Variants in FZR1 observed in about 807,000 individuals in gnomAD.
FZR1 encodes the protein fizzy and cell division cycle 20 related 1, also known as fizzy-related protein homolog.
Under a neutral mutation model 63.6 loss-of-function variants are expected in FZR1, and 11 were observed. That is an observed-to-expected ratio of 0.17 (90% CI 0.11 to 0.29). FZR1 has a LOEUF of 0.29. Among genes scored for constraint, FZR1 ranks in the 10% least tolerant of loss-of-function variants. The pLI, the probability that FZR1 is intolerant of heterozygous loss-of-function variation, is 1.00. For missense variants in FZR1, 440 were observed against 687.5 expected, an observed-to-expected ratio of 0.64 and a Z score of 4.03; for synonymous variants, 328 against 297.9, an observed-to-expected ratio of 1.10 and a Z score of -1.04.
Position 3,533,071 on chromosome 19 carries a change from T to G in FZR1, c.1243-223T>G, listed in dbSNP as rs1455212860. Among the ~76,000 whole-genome samples the G allele has an allele frequency of 6.6e-6, 1 of 152,074 alleles. No individual in the cohort carries two copies. The highest frequency in any genetic ancestry group is 2.4e-5 in the African/African-American group (1 of 41,412). On this transcript the variant is annotated intron_variant, in intron 11 of 13. Coordinates refer to ENST00000441788, the MANE Select transcript of FZR1 (RefSeq NM_016263.4). This position sits in a 1 kb window ranked among gnomAD's most constrained non-coding sequence, Gnocchi z 4.9. ...CTGTGGGCCCCGTTTGGGTCCTTGT[T>G]GGGCTCCAGCCTTTGGCGGTGGGTG...
In FZR1 at chr19:3,534,913, C is replaced by T; in HGVS notation, c.*77C>T. ...AGCTCCTCAGCTTGCATGGACTCTG[C>T]CTTCCCAGCGCTTGTCCCCCGAGGA... On this transcript the variant is annotated 3_prime_UTR_variant, in exon 14 of 14. Transcript: ENST00000441788. 1 of 1,191,886 alleles carries T rather than the reference C, an allele frequency of 8.4e-7. No individual in the cohort carries two copies. 73.8% of individuals were successfully genotyped at this position (1,191,886 alleles called of 1,614,324 possible). A position where few individuals can be genotyped will look rare whatever the true frequency, so the allele number is the denominator to read the frequency against.
intron 7 of FZR1, among the ~76,000 whole-genome samples, chr19:3,529,303 TGGATGGGAGAGC>T (rs1400490443): frequency 1.9e-5 from 2 of 105,882 alleles, no homozygotes; most frequent in Non-Finnish European, 3.8e-5. Context: ...GATGGTTGAG[TGGATGGGAGAGC>T]GGATGGGAGA....
intron 6 of FZR1, 113 bp from the exon 7 acceptor site, chr19:3,527,518 G>A: frequency 1.3e-6 from 1 of 772,514 alleles, no homozygotes; most frequent in Admixed American, 2.5e-5. Flanking sequence ...GGTGGTGATT[G>A]GAGGGGCCGG....
chr19:3,518,413 TGGA>T (rs1345503257), intron 1 of FZR1, among the ~76,000 whole-genome samples: 2 of 152,146 alleles, frequency 1.3e-5, no homozygotes, highest in African/African-American at 2.4e-5. Context: ...TTTCCATTGT[TGGA>T]GAAGGCCTAG....
chr19:3,530,794 G>T lies in FZR1; in HGVS notation c.657G>T (p.Val219=), dbSNP rs1391043000. 1.2e-6 allele frequency: 2 copies of T among 1,612,706 alleles called. No individual in the cohort carries two copies. Among genetic ancestry groups the T allele is most frequent in the Non-Finnish European group, 1.7e-6 (2 of 1,179,488 alleles). ...CTCACACTGACCTCTGCCTCCAGGT[G>T]ACGCGGCTCTGTGACCTCTCAGTGG... The part of the protein sequence containing the change: ...VYLWSACTSQ[V]TRLCDLSVEG... The change falls in exon 8 of 14, where the codon GTG becomes GTT. Residue 219 remains valine (V), a splice_region_variant and synonymous_variant. Transcript: ENST00000441788.
Position 3,525,767 on chromosome 19 carries a change from GC to G in FZR1, c.70-96del, listed in dbSNP as rs2083150317. The G allele has an allele frequency of 5.7e-6, 8 of 1,412,550 alleles. No homozygotes were observed. Among genetic ancestry groups the G allele is most frequent in the Non-Finnish European group, 6.7e-6 (7 of 1,040,982 alleles). The allele number at this position is 1,412,550 out of a possible 1,614,324, so 87.5% of individuals were successfully genotyped here. On this transcript the variant is annotated intron_variant, in intron 2 of 13. Transcript: ENST00000441788. The surrounding 1 kb of genome is among the most constrained non-coding windows in gnomAD (Gnocchi z 4.2). Reference sequence around the variant, plus strand: ...CACCCCTTGGGTTTTCAAGATCAAAGCCCCCTTTGCTCAGTGGCCAGAGGCT... The same window carrying G: ...CACCCCTTGGGTTTTCAAGATCAAAGCCCCTTTGCTCAGTGGCCAGAGGCT...
At chr19:3,524,523 G>A (rs1414388404) in intron 2 of FZR1, among the ~76,000 whole-genome samples, 4 of 152,228 alleles carry the variant, frequency 2.6e-5, no homozygotes, top group South Asian at 4.1e-4. Flanking sequence ...CCATGACTGC[G>A]TCACAGGCTG....
chr19:3,530,439 GGAGAGCGC>G (rs2083233903), intron 7 of FZR1, among the ~76,000 whole-genome samples: 1 of 130,354 alleles, frequency 7.7e-6, no homozygotes, highest in Non-Finnish European at 1.6e-5. Context: ...AGAGCGGATG[GGAGAGCGC>G]ATGGGAGAGC....
chr19:3,534,318 GC>G (rs1166308503), intron 12 of FZR1, 102 bp from the exon 13 acceptor site: 4 of 614,374 alleles, frequency 6.5e-6, no homozygotes, highest in Non-Finnish European at 8.7e-6. Context: ...AGTCTGGGGG[GC>G]CCAGCCACCC....
At chr19:3,524,317 A>G (rs1358761790) in intron 2 of FZR1, among the ~76,000 whole-genome samples, 1 of 152,216 alleles carries the variant, frequency 6.6e-6, no homozygotes, top group African/African-American at 2.4e-5. Context: ...AGTCTCCCGG[A>G]TGCAGCCAGG....
rs185085547 is a variant in FZR1 at position 3,535,192 on chromosome 19, C to T, written c.*356C>T. 5.4e-5 allele frequency: 19 copies of T among 349,276 alleles called. No individual in the cohort carries two copies. In the East Asian group the frequency reaches 5.8e-4, roughly 11 times the overall value. The allele number at this position is 349,276 out of a possible 1,614,324, so 21.6% of individuals were successfully genotyped here. The stretch of plus-strand genomic sequence containing the variant: ...CTGTTCATCACCTGCCCACCGGAGC[C>T]GCATGCTCTTCCTGGAACTGCCCAC... On this transcript the variant is annotated 3_prime_UTR_variant, in exon 14 of 14. Coordinates refer to ENST00000441788, the MANE Select transcript of FZR1 (RefSeq NM_016263.4).
In FZR1 at chr19:3,533,108, C is replaced by A. The variant is rs1250653070; in HGVS notation, c.1243-186C>A. 2.6e-5 allele frequency among the ~76,000 whole-genome samples: 4 copies of A among 152,078 alleles called. No individual in the cohort carries two copies. The highest frequency in any genetic ancestry group is 5.9e-5 in the Non-Finnish European group (4 of 67,998). On this transcript the variant is annotated intron_variant, in intron 11 of 13. Transcript: ENST00000441788. This position sits in a 1 kb window ranked among gnomAD's most constrained non-coding sequence, Gnocchi z 4.9. ...TTTGGCGGTGGGTGGAGGGGTCCACCTGTGGCCTCCACACCTCCTAGACAG... is the reference window on the plus strand; with the variant it reads ...TTTGGCGGTGGGTGGAGGGGTCCACATGTGGCCTCCACACCTCCTAGACAG...
At chr19:3,523,126 G>A (rs986670479) in intron 2 of FZR1, 68 bp downstream of exon 2, 1 of 963,446 alleles carries the variant, frequency 1.0e-6, no homozygotes, top group Non-Finnish European at 1.7e-6. Context: ...CTGGCCAGCA[G>A]CCTCAGGTGT....
In FZR1 at chr19:3,536,963, C is replaced by T. The variant is rs1197932426; in HGVS notation, c.*2127C>T. On this transcript the variant is annotated 3_prime_UTR_variant, in exon 14 of 14. Transcript: ENST00000441788. ...GGCGCCGGCCACAATCCTGCAGGGC[C>T]AAGGACTGGACTCCAGGCAAGTCCC... 6.7e-6 allele frequency: 1 copy of T among 150,256 alleles called. No homozygotes were observed. Among genetic ancestry groups the T allele is most frequent in the Non-Finnish European group, 1.5e-5 (1 of 67,854 alleles). 9.3% of individuals were successfully genotyped at this position (150,256 alleles called of 1,614,324 possible).
chr19:3,526,913 T>A lies in FZR1; in HGVS notation c.388-67T>A, dbSNP rs1303970545. On this transcript the variant is annotated intron_variant, in intron 5 of 13. Coordinates refer to ENST00000441788, the MANE Select transcript of FZR1 (RefSeq NM_016263.4). This position sits in a 1 kb window ranked among gnomAD's most constrained non-coding sequence, Gnocchi z 5.4. ...TATGAGCTGTACCGGGAGCGTGGGC[T>A]GCTGGGGGGCTCTGAGGGTCCTGCG... The A allele has an allele frequency of 9.1e-7, 1 of 1,101,908 alleles. No homozygotes were observed. The highest frequency in any genetic ancestry group is 2.3e-5 in the East Asian group (1 of 42,616). The allele number at this position is 1,101,908 out of a possible 1,614,324, so 68.3% of individuals were successfully genotyped here.
intron 1 of FZR1, among the ~76,000 whole-genome samples, chr19:3,521,897 C>T (rs996814504): frequency 2.7e-5 from 4 of 150,324 alleles, no homozygotes; most frequent in Non-Finnish European, 4.4e-5. Context: ...TGCTCTGTCA[C>T]CCAGGCTGGA....
chr19:3,518,594 G>A (rs186403173), intron 1 of FZR1, among the ~76,000 whole-genome samples: 19 of 152,308 alleles, frequency 1.2e-4, no homozygotes. Context: ...GTCCCTCTGC[G>A]AGGTGCCAGG....
intron 2 of FZR1, among the ~76,000 whole-genome samples, chr19:3,524,777 G>A (rs769968762): frequency 7.2e-5 from 11 of 152,154 alleles, no homozygotes; most frequent in East Asian, 3.9e-4. Context: ...CTGTGACCAC[G>A]TCCCTCTGGC....
At chr19:3,532,786 C>A in intron 11 of FZR1, 136 bp downstream of exon 11, 1 of 683,972 alleles carries the variant, frequency 1.5e-6, no homozygotes, top group Non-Finnish European at 2.6e-6. Flanking sequence ...GGAGGCCGAG[C>A]GGGGAGGCAG....
Sources: gnomAD v4.1 joint callset for allele counts (sites outside exome capture counted in the v4.1 genomes callset) on GRCh38, gnomAD v4.1.1 for gene constraint, Gnocchi (gnomAD v3.1) non-coding constraint, MANE v1.5 for transcripts, NCBI Gene and HGNC (gene_info 2026-07-23, HGNC 2026-07-21) for gene names.